Variants in COPS7B observed in about 807,000 individuals in gnomAD.
The protein encoded by COPS7B is COP9 signalosome subunit 7B.
Under a neutral mutation model 33.4 loss-of-function variants are expected in COPS7B, and 9 were observed. The ratio of observed to expected loss-of-function variants is 0.27; its 90% confidence interval spans 0.16 to 0.47. The LOEUF (loss-of-function observed/expected upper bound fraction) is 0.47, where lower values mean the gene tolerates loss of function less well. COPS7B is among the 20% of genes least tolerant of loss of function. The pLI, the probability that COPS7B is intolerant of heterozygous loss-of-function variation, is 0.99. For synonymous variants in COPS7B, 119 were observed against 126.3 expected (o/e 0.94, Z 0.39); for missense variants, 242 against 318.2 (o/e 0.76, Z 1.82).
upstream of COPS7B, chr2:231,781,957 C>A: frequency 2.1e-6 from 3 of 1,459,678 alleles, no homozygotes; most frequent in Non-Finnish European, 2.8e-6. Context: ...TCAAATCGTG[C>A]TTGTTTGTTG....
intron 4 of COPS7B, 86 bp downstream of exon 4, chr2:231,794,437 A>G: frequency 9.5e-7 from 1 of 1,050,242 alleles, no homozygotes; most frequent in East Asian, 2.5e-5. Context: ...CCAGCTGCAC[A>G]TAGGAGAGTC....
intron 1 of COPS7B, 98 bp downstream of exon 1, chr2:231,786,636 T>G: frequency 2.0e-6 from 1 of 493,470 alleles, no homozygotes; most frequent in Non-Finnish European, 2.6e-6. Context: ...CCCGCGGCCG[T>G]GCCCGCCCCG....
intron 6 of COPS7B, among the ~76,000 whole-genome samples, chr2:231,806,336 C>T (rs748488037): frequency 3.9e-5 from 6 of 152,070 alleles, no homozygotes; most frequent in Non-Finnish European, 8.8e-5. Flanking sequence ...GGTCAGTTGA[C>T]CCTGGGAGTT....
At chr2:231,803,115 A>G (rs72998808) in intron 6 of COPS7B, among the ~76,000 whole-genome samples, 27,605 of 152,240 alleles carry the variant, frequency 0.18, 2,840 homozygotes, top group Non-Finnish European at 0.23. Flanking sequence ...TCTGAAACAC[A>G]AAGGAGATGC....
chr2:231,801,448 T>A, intron 6 of COPS7B: 1 of 440,140 alleles, frequency 2.3e-6, no homozygotes, highest in Non-Finnish European at 3.0e-6. Context: ...GAAAGTATTT[T>A]CTTTTTGAGA....
chr2:231,796,005 T>G, intron 4 of COPS7B, 101 bp from the exon 5 acceptor site: 1 of 912,514 alleles, frequency 1.1e-6, no homozygotes. Flanking sequence ...AGCCTGCGTT[T>G]CCCGAGCCTA....
chr2:231,781,954 G>A (rs529074867), upstream of COPS7B: 7 of 1,465,092 alleles, frequency 4.8e-6, no homozygotes, highest in Non-Finnish European at 6.5e-6. Flanking sequence ...TCTTCAAATC[G>A]TGCTTGTTTG....
chr2:231,790,605 C>G (rs1468735706), intron 2 of COPS7B: 2 of 151,962 alleles, frequency 1.3e-5, no homozygotes, highest in African/African-American at 4.8e-5. Context: ...TTCTTGGAAG[C>G]TTTATTTTTT....
intron 6 of COPS7B, among the ~76,000 whole-genome samples, chr2:231,805,656 T>C (rs1164409750): frequency 6.6e-6 from 1 of 151,596 alleles, no homozygotes; most frequent in Non-Finnish European, 1.5e-5. Flanking sequence ...TGTCTTTTTG[T>C]TGAGATAAGG....
intron 1 of COPS7B, among the ~76,000 whole-genome samples, chr2:231,786,915 A>C (rs1234156388): frequency 1.3e-5 from 2 of 152,214 alleles, no homozygotes; most frequent in Non-Finnish European, 2.9e-5. Flanking sequence ...CCGTCTCTTT[A>C]CATTCTCTGC....
At chr2:231,781,778 G>C, upstream of COPS7B, 1 of 1,524,622 alleles carries the variant, frequency 6.6e-7, no homozygotes. Flanking sequence ...TCGGAATCCC[G>C]AGACTTGAAA....
At chr2:231,803,823 T>C (rs1446932699) in intron 6 of COPS7B, among the ~76,000 whole-genome samples, 5 of 152,074 alleles carry the variant, frequency 3.3e-5, no homozygotes, top group Admixed American at 6.6e-5. Flanking sequence ...AGGAGAAGCA[T>C]TGGAAGTGTT....
chr2:231,805,710 A>G (rs1290356538), intron 6 of COPS7B, among the ~76,000 whole-genome samples: 6 of 152,066 alleles, frequency 3.9e-5, no homozygotes, highest in Non-Finnish European at 8.8e-5. Context: ...TGGTGCAGAC[A>G]TGGCTCACTG....
chr2:231,796,995 T>C (rs1364304695), intron 5 of COPS7B, among the ~76,000 whole-genome samples: 1 of 152,258 alleles, frequency 6.6e-6, no homozygotes, highest in South Asian at 2.1e-4. Flanking sequence ...TGGAGTGATT[T>C]AAATTATTTG....
upstream of COPS7B, among the ~76,000 whole-genome samples, chr2:231,783,558 C>G (rs1034021588): frequency 6.6e-6 from 1 of 152,144 alleles, no homozygotes; most frequent in Non-Finnish European, 1.5e-5. Context: ...GTTGAACGTC[C>G]TCTTTCGTGA....
rs762836189 is a variant in COPS7B at position 231,788,638 on chromosome 2, G to A, written c.68G>A (p.Ser23Asn). Residue 23 changes from serine to asparagine, a missense_variant, in exon 2 of 7, where the codon AGT becomes AAT. Coordinates refer to ENST00000350033, the MANE Select transcript of COPS7B (RefSeq NM_022730.4). ...TTTATTTTACTAGCCAAAGGTACCAGTGGCTCAGCCCTCACTGCTCTCATA... is the reference window on the plus strand; with the variant it reads ...TTTATTTTACTAGCCAAAGGTACCAATGGCTCAGCCCTCACTGCTCTCATA... ...EQFILLAKGT[S>N]GSALTALISQ... is the part of the protein sequence containing the mutation. 1.2e-6 allele frequency: 2 copies of A among 1,614,024 alleles called. No homozygotes were observed. Among genetic ancestry groups the A allele is most frequent in the Non-Finnish European group, 1.7e-6 (2 of 1,179,852 alleles).
chr2:231,805,429 A>AT (rs1553564306), intron 6 of COPS7B, among the ~76,000 whole-genome samples: 89 of 114,864 alleles, frequency 7.7e-4, no homozygotes, highest in African/African-American at 2.6e-3. Flanking sequence ...ATATATATAT[A>AT]TATTTTTTTT....
chr2:231,783,633 CA>C (rs1337840973), upstream of COPS7B, among the ~76,000 whole-genome samples: 1 of 152,172 alleles, frequency 6.6e-6, no homozygotes, highest in Non-Finnish European at 1.5e-5. Context: ...TAGTTCTTTA[CA>C]GTCTGGATAT....
chr2:231,800,797 A>G (rs2106337511), intron 6 of COPS7B, among the ~76,000 whole-genome samples: 1 of 152,374 alleles, frequency 6.6e-6, no homozygotes, highest in South Asian at 2.1e-4. Flanking sequence ...TCCACCACCA[A>G]TTAAAACAGT....
Sources: gnomAD v4.1 joint callset for allele counts (sites outside exome capture counted in the v4.1 genomes callset) on GRCh38, gnomAD v4.1.1 for gene constraint, MANE v1.5 for transcripts, NCBI Gene and HGNC (gene_info 2026-07-23, HGNC 2026-07-21) for gene names.